The following DLGAP1 variants were observed in gnomAD, a reference collection of about 807,000 sequenced individuals.
The protein encoded by DLGAP1 is disks large-associated protein 1.
A neutral mutation model predicts 90.8 loss-of-function variants in DLGAP1; 11 were observed. The ratio of observed to expected loss-of-function variants is 0.12; its 90% CI spans 0.08 to 0.20. The LOEUF (loss-of-function observed/expected upper bound fraction) is 0.20, where lower values mean the gene tolerates loss of function less well. DLGAP1 is among the 10% of genes least tolerant of loss of function. The probability of loss-of-function intolerance (pLI) is 1.00; values close to 1 mark genes in which losing one functional copy is unlikely to be tolerated. For synonymous variants in DLGAP1, 558 were observed against 540.7 expected (o/e 1.03, Z -0.44); for missense variants, 1,050 against 1,333.8 (o/e 0.79, Z 3.31).
chr18:4,451,668 C>T (rs1282344117), intron 1 of DLGAP1, among the ~76,000 whole-genome samples: 1 of 152,126 alleles, frequency 6.6e-6, no homozygotes. Context: ...GAAAAAACAT[C>T]TTTTGAGGGA....
At chr18:3,757,477 T>C (rs1400598721) in intron 5 of DLGAP1, among the ~76,000 whole-genome samples, 1 of 152,074 alleles carries the variant, frequency 6.6e-6, no homozygotes, top group Non-Finnish European at 1.5e-5. Context: ...CTCATTAATA[T>C]ACACCCAAAA....
chr18:4,233,173 G>A (rs1025115060), intron 1 of DLGAP1, among the ~76,000 whole-genome samples: 37 of 152,162 alleles, frequency 2.4e-4, no homozygotes, highest in Middle Eastern at 3.4e-3. Flanking sequence ...ATGCTGGTAC[G>A]GAGTTATGAC....
chr18:3,583,740 G>C (rs1422146474), intron 7 of DLGAP1, among the ~76,000 whole-genome samples: 1 of 152,146 alleles, frequency 6.6e-6, no homozygotes, highest in South Asian at 2.1e-4. Context: ...CTGAGGTCAG[G>C]AGTTTGAGAC....
intron 2 of DLGAP1, among the ~76,000 whole-genome samples, chr18:4,146,343 G>A (rs1202103032): frequency 2.0e-5 from 3 of 152,148 alleles, no homozygotes; most frequent in Non-Finnish European, 4.4e-5. Context: ...ATAAATGAAA[G>A]AGCCGAGTTT....
intron 2 of DLGAP1, among the ~76,000 whole-genome samples, chr18:4,065,264 G>A (rs111494523): frequency 0.011 from 1,629 of 152,044 alleles, 6 homozygotes; most frequent in Non-Finnish European, 0.016. Context: ...CTTGAAAACC[G>A]GCACAAGACA....
intron 1 of DLGAP1, among the ~76,000 whole-genome samples, chr18:4,297,121 T>A (rs891849866): frequency 2.6e-5 from 4 of 152,234 alleles, no homozygotes; most frequent in African/African-American, 9.6e-5. Flanking sequence ...AAATGGTGGA[T>A]AAATTTTGTT....
chr18:3,931,085 G>A (rs2072505835), intron 3 of DLGAP1, among the ~76,000 whole-genome samples: 1 of 152,212 alleles, frequency 6.6e-6, no homozygotes, highest in Middle Eastern at 3.4e-3. Context: ...TTAAGGCTGG[G>A]CCAGTCCCAC....
chr18:4,254,203 G>T (rs1300992649), intron 1 of DLGAP1, among the ~76,000 whole-genome samples: 1 of 152,144 alleles, frequency 6.6e-6, no homozygotes, highest in African/African-American at 2.4e-5. Context: ...CGAAGTGATT[G>T]TCCCCTCCAA....
At chr18:4,037,350 C>T (rs1026691579) in intron 2 of DLGAP1, among the ~76,000 whole-genome samples, 10 of 152,046 alleles carry the variant, frequency 6.6e-5, no homozygotes, top group South Asian at 2.1e-4. Flanking sequence ...AAGGTGATAG[C>T]CATTTTTTCA....
At chr18:3,731,423 T>C (rs1040153771) in intron 6 of DLGAP1, among the ~76,000 whole-genome samples, 8 of 152,162 alleles carry the variant, frequency 5.3e-5, no homozygotes, top group African/African-American at 1.7e-4. Flanking sequence ...GTTAAACTTA[T>C]ATTCTTTTCT....
intron 1 of DLGAP1, among the ~76,000 whole-genome samples, chr18:4,231,276 C>T (rs924844040): frequency 6.6e-6 from 1 of 152,028 alleles, no homozygotes; most frequent in Non-Finnish European, 1.5e-5. Flanking sequence ...GCCAATAAAG[C>T]ATTTTCTTAT....
At chr18:4,230,252 T>A (rs2078272334) in intron 1 of DLGAP1, among the ~76,000 whole-genome samples, 1 of 152,054 alleles carries the variant, frequency 6.6e-6, no homozygotes, top group South Asian at 2.1e-4. Flanking sequence ...AATAGAGCTA[T>A]TATATGACCC....
rs1306835351 is a variant in DLGAP1 at position 4,301,308 on chromosome 18, T to C, written c.-266-150021A>G. On this transcript the variant is annotated intron_variant, in intron 1 of 12. Transcript: ENST00000315677. ...TTCCCCATTACTCCACCTCTCAGCC[T>C]CTGGTAACCATCATTCCACTCTCTA... 2.0e-5 allele frequency among the ~76,000 whole-genome samples: 3 copies of C among 152,210 alleles called. No homozygotes were observed. In the East Asian group the frequency reaches 5.8e-4, roughly 29 times the overall value.
At chr18:4,062,074 T>C (rs1411862779) in intron 2 of DLGAP1, among the ~76,000 whole-genome samples, 4 of 152,176 alleles carry the variant, frequency 2.6e-5, no homozygotes, top group Non-Finnish European at 4.4e-5. Flanking sequence ...GTGTGACTTT[T>C]TGTTTAAAAT....
chr18:4,299,382 AT>A (rs1187185515), intron 1 of DLGAP1, among the ~76,000 whole-genome samples: 11 of 152,192 alleles, frequency 7.2e-5, no homozygotes, highest in African/African-American at 4.8e-5. Flanking sequence ...CATGTGTTTG[AT>A]TTTTTTAATT....
intron 2 of DLGAP1, among the ~76,000 whole-genome samples, chr18:4,032,350 A>G (rs1484797239): frequency 2.6e-5 from 4 of 152,218 alleles, no homozygotes; most frequent in Non-Finnish European, 5.9e-5. Context: ...ATATTGTGAG[A>G]AAACCAGTGT....
intron 2 of DLGAP1, among the ~76,000 whole-genome samples, chr18:4,064,420 G>C (rs1351630418): frequency 7.7e-6 from 1 of 129,204 alleles, no homozygotes; most frequent in Non-Finnish European, 1.6e-5. Context: ...GATTTTTCTT[G>C]AAAAAATTAA....
intron 3 of DLGAP1, among the ~76,000 whole-genome samples, chr18:3,903,687 G>A (rs995485690): frequency 1.6e-4 from 25 of 152,196 alleles, no homozygotes; most frequent in African/African-American, 5.8e-4. Context: ...TAGGAAGAAT[G>A]GAGAAATCTA....
chr18:3,975,944 T>A (rs1293751059), intron 3 of DLGAP1, among the ~76,000 whole-genome samples: 1 of 152,068 alleles, frequency 6.6e-6, no homozygotes, highest in Non-Finnish European at 1.5e-5. Context: ...AGTCAGTGTT[T>A]AAGGGGTGCA....
Sources: allele counts gnomAD v4.1 joint callset (sites outside exome capture counted in the v4.1 genomes callset), GRCh38; gene constraint gnomAD v4.1.1; transcripts MANE v1.5; gene names NCBI Gene and HGNC (gene_info 2026-07-23, HGNC 2026-07-21).